TOMM7: variants seen among roughly 807,000 people sequenced by gnomAD.
The protein encoded by TOMM7 is translocase of outer mitochondrial membrane 7.
Under a neutral mutation model 9.5 loss-of-function variants are expected in TOMM7, and 8 were observed. That is an observed-to-expected ratio of 0.84 (90% CI 0.49 to 1.51). The LOEUF (loss-of-function observed/expected upper bound fraction) is 1.51. Ranked by LOEUF, TOMM7 falls within the 40% of genes most tolerant of loss-of-function variation. The pLI, the probability that TOMM7 is intolerant of heterozygous loss-of-function variation, is 0.00. For missense variants in TOMM7, 74 were observed against 63.7 expected (o/e 1.16, Z -0.55); for synonymous variants, 27 against 21.4 (o/e 1.26, Z -0.72).
intron 2 of TOMM7, 146 bp downstream of exon 2, chr7:22,817,854 G>A: frequency 1.6e-6 from 1 of 635,972 alleles, no homozygotes; most frequent in Non-Finnish European, 2.8e-6. Flanking sequence ...GGAAGAGAAA[G>A]TAGTTGCAGT....
At position 22,818,036 on chromosome 7, in the gene TOMM7, C is replaced by A; in HGVS notation, c.116G>T (p.Gly39Val). The A allele has an allele frequency of 6.2e-7, 1 of 1,613,852 alleles. No individual in the cohort carries two copies. Among genetic ancestry groups the A allele is most frequent in the Non-Finnish European group, 8.5e-7 (1 of 1,179,900 alleles). ...PLVIYLGFKR[G>V]ADPGMPEPTV... ...TGGTTCAGGCATTCCGGGATCTGCA[C>A]CCCTCTTAAATCCTGAATCAAGGAA... The change falls in exon 2 of 3, where the codon GGT becomes GTT. Residue 39 changes from glycine to valine, a missense_variant. Gly to Val is a moderately radical substitution (Grantham distance 109, BLOSUM62 -3). Coordinates refer to ENST00000358435, the MANE Select transcript of TOMM7 (RefSeq NM_019059.5).
At chr7:22,822,273 G>C (rs1298519893) in intron 1 of TOMM7, 2 of 1,549,652 alleles carry the variant, frequency 1.3e-6, no homozygotes, top group Non-Finnish European at 1.7e-6. Flanking sequence ...CTTTCACGAG[G>C]TGTCTCGATT....
intron 1 of TOMM7, among the ~76,000 whole-genome samples, chr7:22,821,184 G>C (rs893602536): frequency 3.9e-5 from 6 of 152,104 alleles, no homozygotes; most frequent in Non-Finnish European, 8.8e-5. Flanking sequence ...GGCCGAGGCG[G>C]GCGGATCACG....
intron 1 of TOMM7, among the ~76,000 whole-genome samples, chr7:22,820,929 T>C (rs1325756427): frequency 6.6e-6 from 1 of 151,492 alleles, no homozygotes; most frequent in Non-Finnish European, 1.5e-5. Context: ...AGTCAGAGTG[T>C]ACTTTATCTT....
In TOMM7 at chr7:22,822,776, C is replaced by A. The variant is rs1462181973; in HGVS notation, c.4G>T (p.Val2Leu). M[V>L]KLSKEAKQRL... is the part of the protein sequence containing the mutation. The stretch of plus-strand genomic sequence containing the variant: ...TGCTTGGCCTCTTTGCTCAGCTTCA[C>A]CATGGCGACGGCCGTGTGGCGCAGG... Residue 2 changes from valine to leucine, a missense_variant, in exon 1 of 3, where the codon GTG becomes TTG. Coordinates refer to ENST00000358435, the MANE Select transcript of TOMM7 (RefSeq NM_019059.5). The A allele has an allele frequency of 1.2e-6, 2 of 1,613,900 alleles. No individual in the cohort carries two copies. Among genetic ancestry groups the A allele is most frequent in the African/African-American group, 2.7e-5 (2 of 74,918 alleles).
chr7:22,814,160 C>A (rs1782286624), intron 2 of TOMM7, among the ~76,000 whole-genome samples: 1 of 107,164 alleles, frequency 9.3e-6, no homozygotes, highest in Non-Finnish European at 1.8e-5. Context: ...CATGGTGAAA[C>A]CCTGTCTCTT....
chr7:22,814,349 C>CAAAAA (rs58506942), intron 2 of TOMM7, among the ~76,000 whole-genome samples: 1 of 91,022 alleles, frequency 1.1e-5, no homozygotes, highest in Non-Finnish European at 2.1e-5. Context: ...GACTCCGACT[C>CAAAAA]AAAAAAAAAA....
Position 22,822,832 on chromosome 7 carries a change from G to A in TOMM7, c.-53C>T. On this transcript the variant is annotated 5_prime_UTR_variant, in exon 1 of 3. Coordinates refer to ENST00000358435, the MANE Select transcript of TOMM7 (RefSeq NM_019059.5). Reference sequence around the variant, plus strand: ...CCCCTTACAGCAACCACAGCGTCGGGAATCCGAAAGGGAAAGGAGGTGCGC... The same window carrying A: ...CCCCTTACAGCAACCACAGCGTCGGAAATCCGAAAGGGAAAGGAGGTGCGC... 6.8e-7 allele frequency: 1 copy of A among 1,469,938 alleles called. No individual in the cohort carries two copies. Among genetic ancestry groups the A allele is most frequent in the African/African-American group, 1.4e-5 (1 of 72,230 alleles). The allele number at this position is 1,469,938 out of a possible 1,614,324, so 91.1% of individuals were successfully genotyped here. A position where few individuals can be genotyped will look rare whatever the true frequency, so the allele number is the denominator to read the frequency against.
chr7:22,821,128 T>C (rs1320406745), intron 1 of TOMM7, among the ~76,000 whole-genome samples: 3 of 152,136 alleles, frequency 2.0e-5, no homozygotes, highest in Admixed American at 2.0e-4. Flanking sequence ...AAGAAAAAAC[T>C]TGGCCAGGCA....
intron 2 of TOMM7, 142 bp downstream of exon 2, chr7:22,817,858 T>C (rs2286499): frequency 0.43 from 281,635 of 648,848 alleles, 67,865 homozygotes; most frequent in East Asian, 0.82. Context: ...GAGAAAGTAG[T>C]TGCAGTTTTC....
intron 1 of TOMM7, among the ~76,000 whole-genome samples, chr7:22,821,855 C>G (rs1265095162): frequency 6.6e-6 from 1 of 152,146 alleles, no homozygotes; most frequent in East Asian, 1.9e-4. Flanking sequence ...CAGTAAGTGA[C>G]CGAGCCTGTT....
At chr7:22,816,751 T>C (rs1383408300) in intron 2 of TOMM7, among the ~76,000 whole-genome samples, 6 of 152,166 alleles carry the variant, frequency 3.9e-5, no homozygotes, top group African/African-American at 1.2e-4. Context: ...TCAGATAGTA[T>C]TGTGCTAAGT....
chr7:22,821,860 C>G (rs1012142894), intron 1 of TOMM7, among the ~76,000 whole-genome samples: 29 of 152,042 alleles, frequency 1.9e-4, no homozygotes, highest in Non-Finnish European at 4.1e-4. Flanking sequence ...AGTGACCGAG[C>G]CTGTTGGCAC....
rs946443358 is a variant in TOMM7 at position 22,821,751 on chromosome 7, G to A, written c.103+926C>T. On this transcript the variant is annotated intron_variant, in intron 1 of 2. Transcript: ENST00000358435. The stretch of plus-strand genomic sequence containing the variant: ...GGCACACAGCGACTGTCTCAAAAAG[G>A]AAAAAAGGAAAAAAAAAGACAGAAA... 1.4e-3 allele frequency among the ~76,000 whole-genome samples: 207 copies of A among 149,594 alleles called. 1 individual carries two copies. Among genetic ancestry groups the A allele is most frequent in the Non-Finnish European group, 1.9e-3 (126 of 67,310 alleles).
Position 22,822,367 on chromosome 7 carries a change from ATTAGTGAC to A in TOMM7, c.103+302_103+309del. 3 of 1,299,702 alleles carry A rather than the reference ATTAGTGAC, an allele frequency of 2.3e-6. No homozygotes were observed. In the South Asian group the frequency reaches 4.6e-5, roughly 20 times the overall value. 80.5% of individuals were successfully genotyped at this position (1,299,702 alleles called of 1,614,324 possible). A position where few individuals can be genotyped will look rare whatever the true frequency, so the allele number is the denominator to read the frequency against. On this transcript the variant is annotated intron_variant, in intron 1 of 2. Coordinates refer to ENST00000358435, the MANE Select transcript of TOMM7 (RefSeq NM_019059.5). Reference sequence around the variant, plus strand: ...AGAACCACCTAGTGCTAGAGAGTGAATTAGTGACTTTCACATCCACTGGGGTCATCCAA... The same window carrying A: ...AGAACCACCTAGTGCTAGAGAGTGAATTTCACATCCACTGGGGTCATCCAA...
At chr7:22,818,100 C>T (rs575938621) in intron 1 of TOMM7, 52 bp from the exon 2 acceptor site, 5 of 1,546,910 alleles carry the variant, frequency 3.2e-6, no homozygotes, top group Non-Finnish European at 4.5e-6. Context: ...CCCCAGCAGA[C>T]AAAACATTTA....
At chr7:22,822,191 C>T in intron 1 of TOMM7, 7 of 1,550,800 alleles carry the variant, frequency 4.5e-6, no homozygotes, top group Non-Finnish European at 6.1e-6. Context: ...CATCCAAACC[C>T]TTCATCGTAC....
chr7:22,820,322 C>T (rs1782369900), intron 1 of TOMM7, among the ~76,000 whole-genome samples: 1 of 152,088 alleles, frequency 6.6e-6, no homozygotes, highest in Admixed American at 6.5e-5. Flanking sequence ...TAACGGTAGT[C>T]CTAGGAAGGG....
chr7:22,817,257 T>A (rs1214788462), intron 2 of TOMM7: 2 of 153,146 alleles, frequency 1.3e-5, no homozygotes, highest in Non-Finnish European at 2.9e-5. Context: ...TGTGTGAAGT[T>A]TTCACAAGTG....
Sources: allele counts gnomAD v4.1 joint callset (sites outside exome capture counted in the v4.1 genomes callset), GRCh38; gene constraint gnomAD v4.1.1; transcripts MANE v1.5; gene names NCBI Gene and HGNC (gene_info 2026-07-23, HGNC 2026-07-21).